Variants in MBOAT2 observed in about 807,000 individuals in gnomAD.
MBOAT2 encodes membrane-bound glycerophospholipid O-acyltransferase 2.
A neutral mutation model predicts 63.4 loss-of-function variants in MBOAT2; 28 were observed. That is an observed-to-expected ratio of 0.44 (90% confidence interval 0.33 to 0.61). The LOEUF (loss-of-function observed/expected upper bound fraction) is 0.61. MBOAT2 is among the 20% of genes least tolerant of loss of function. The pLI is 0.03. For synonymous variants in MBOAT2, 211 were observed against 215.6 expected, an observed-to-expected ratio of 0.98 and a Z score of 0.19; for missense variants, 470 against 605.8, an observed-to-expected ratio of 0.78 and a Z score of 2.35.
intron 10 of MBOAT2, among the ~76,000 whole-genome samples, chr2:8,863,642 AG>A (rs1241381928): frequency 6.6e-6 from 1 of 152,096 alleles, no homozygotes; most frequent in Non-Finnish European, 1.5e-5. Context: ...TCCTCACCAC[AG>A]GGAACAGCAT....
chr2:8,955,860 G>A (rs1235436279), intron 2 of MBOAT2, among the ~76,000 whole-genome samples: 1 of 152,156 alleles, frequency 6.6e-6, no homozygotes, highest in East Asian at 1.9e-4. Context: ...TCTGATAAGT[G>A]AGCAGCCATC....
At chr2:8,935,233 T>C (rs1239754591) in intron 3 of MBOAT2, among the ~76,000 whole-genome samples, 1 of 152,154 alleles carries the variant, frequency 6.6e-6, no homozygotes, top group East Asian at 1.9e-4. Flanking sequence ...GTCAAAAGCA[T>C]GAGTGAGAAG....
At chr2:8,860,443 A>G (rs1661414344) in intron 12 of MBOAT2, among the ~76,000 whole-genome samples, 170 bp downstream of exon 12, 1 of 152,190 alleles carries the variant, frequency 6.6e-6, no homozygotes, top group Admixed American at 6.5e-5. Context: ...GAGTCATTCC[A>G]CAGAGAAACG....
chr2:8,944,648 GACACACACACACACACAC>G (rs61107364), intron 2 of MBOAT2, among the ~76,000 whole-genome samples: 1 of 140,144 alleles, frequency 7.1e-6, no homozygotes, highest in African/African-American at 2.6e-5. Context: ...CTGTTTGACT[GACACACACACACACACAC>G]ACACACACAC....
chr2:8,996,052 A>G (rs1423189303), intron 1 of MBOAT2, among the ~76,000 whole-genome samples: 1 of 152,218 alleles, frequency 6.6e-6, no homozygotes, highest in East Asian at 1.9e-4. Context: ...GAGCCTGGGA[A>G]TGTACACTTT....
intron 4 of MBOAT2, among the ~76,000 whole-genome samples, chr2:8,889,138 G>T (rs546042940): frequency 1.3e-5 from 2 of 152,188 alleles, no homozygotes; most frequent in Non-Finnish European, 2.9e-5. Flanking sequence ...GGCCAGGAGG[G>T]GAGAGGACCC....
chr2:8,922,384 A>C (rs928485047), intron 3 of MBOAT2, among the ~76,000 whole-genome samples: 1 of 152,156 alleles, frequency 6.6e-6, no homozygotes, highest in African/African-American at 2.4e-5. Flanking sequence ...CGTTTCTCTT[A>C]ATTTTTTAAA....
intron 1 of MBOAT2, among the ~76,000 whole-genome samples, chr2:8,982,780 G>C (rs1255693880): frequency 6.6e-6 from 1 of 152,054 alleles, no homozygotes; most frequent in Non-Finnish European, 1.5e-5. Flanking sequence ...AGATGCAGAG[G>C]AGAATAAAAC....
At chr2:8,866,403 G>A (rs1021239192) in intron 9 of MBOAT2, among the ~76,000 whole-genome samples, 7 of 152,006 alleles carry the variant, frequency 4.6e-5, no homozygotes, top group Non-Finnish European at 8.8e-5. Flanking sequence ...ATAAACAAAG[G>A]TGAGAAACAC....
In MBOAT2 at chr2:8,862,768, C is replaced by T. The variant is rs375424367; in HGVS notation, c.1053-46G>A. ...GGAGAGCCAAGTGGAGTGAGTGACC[C>T]GAGTTTACAAAGCCTGCAATGATCA... On this transcript the variant is annotated intron_variant, in intron 10 of 12. Transcript: ENST00000305997. This position sits in a 1 kb window ranked among gnomAD's most constrained non-coding sequence, Gnocchi z 4.3. 22 of 1,579,912 alleles carry T rather than the reference C, an allele frequency of 1.4e-5. No homozygotes were observed. The highest frequency in any genetic ancestry group is 4.7e-5 in the South Asian group (4 of 84,962).
intron 7 of MBOAT2, 52 bp from the exon 8 acceptor site, chr2:8,873,352 T>A (rs1572934465): frequency 6.5e-7 from 1 of 1,529,534 alleles, no homozygotes; most frequent in Non-Finnish European, 8.9e-7. Context: ...TCCTTTTAAT[T>A]CATTCTATGT....
intron 3 of MBOAT2, among the ~76,000 whole-genome samples, chr2:8,926,815 A>C (rs1161366127): frequency 2.6e-5 from 4 of 152,240 alleles, no homozygotes; most frequent in African/African-American, 9.6e-5. Context: ...CCAGATGGTA[A>C]ACAGCAGAAA....
At chr2:8,915,088 G>A (rs541366538) in intron 3 of MBOAT2, among the ~76,000 whole-genome samples, 13 of 151,284 alleles carry the variant, frequency 8.6e-5, no homozygotes, top group African/African-American at 1.7e-4. Context: ...ACAGGTACCC[G>A]CCATCACACC....
rs1661429729 is a variant in MBOAT2 at position 8,860,680 on chromosome 2, CTTGAG to C, written c.1265_1269del (p.Thr422SerfsTer53). On this transcript the variant is annotated frameshift_variant, in exon 12 of 13. Transcript: ENST00000305997. LOFTEE classifies it high-confidence loss of function. ...GGCACAACTGTGTAACTTATTGCTA[CTTGAG>C]TTACTATCCATGTTATAACATCATA... 1.2e-6 allele frequency: 2 copies of C among 1,611,798 alleles called. No homozygotes were observed. The highest frequency in any genetic ancestry group is 1.3e-5 in the African/African-American group (1 of 74,840).
At chr2:8,869,556 A>G (rs564344942) in intron 8 of MBOAT2, among the ~76,000 whole-genome samples, 83 of 152,326 alleles carry the variant, frequency 5.4e-4, no homozygotes, top group African/African-American at 1.9e-3. Flanking sequence ...ACAGACATGT[A>G]TCCTTAAATT....
intron 1 of MBOAT2, among the ~76,000 whole-genome samples, chr2:8,998,610 G>C (rs1044754572): frequency 6.6e-6 from 1 of 151,336 alleles, no homozygotes; most frequent in African/African-American, 2.4e-5. Flanking sequence ...GGGGAAGAGC[G>C]GGGGGCGGGG....
chr2:8,869,191 T>G (rs1348176424), intron 8 of MBOAT2, among the ~76,000 whole-genome samples: 2 of 150,364 alleles, frequency 1.3e-5, no homozygotes, highest in Non-Finnish European at 3.0e-5. Context: ...GGACTGCAGG[T>G]GCACATCATC....
At chr2:8,990,598 A>G (rs1671858319) in intron 1 of MBOAT2, among the ~76,000 whole-genome samples, 1 of 152,164 alleles carries the variant, frequency 6.6e-6, no homozygotes, top group Non-Finnish European at 1.5e-5. Flanking sequence ...TATGCCAAAA[A>G]CCTTCTTGGA....
intron 1 of MBOAT2, among the ~76,000 whole-genome samples, chr2:8,989,913 TTA>T (rs1671809746): frequency 6.6e-6 from 1 of 152,158 alleles, no homozygotes; most frequent in African/African-American, 2.4e-5. Flanking sequence ...TGGCTGCCAT[TTA>T]TAGAGTACTC....
Sources: allele counts gnomAD v4.1 joint callset (sites outside exome capture counted in the v4.1 genomes callset), GRCh38; gene constraint gnomAD v4.1.1; non-coding constraint Gnocchi (gnomAD v3.1); transcripts MANE v1.5; gene names NCBI Gene and HGNC (gene_info 2026-07-23, HGNC 2026-07-21).